PCDHA12: variants seen among roughly 807,000 people sequenced by gnomAD.
PCDHA12 encodes the protein protocadherin alpha-12.
Under a neutral mutation model 60.0 loss-of-function variants are expected in PCDHA12, and 44 were observed. That is an observed-to-expected ratio of 0.73 (90% confidence interval 0.58 to 0.94). The LOEUF is 0.94. PCDHA12 is among the 40% of genes least tolerant of loss of function. PCDHA12 has a pLI of 0.00. For synonymous variants in PCDHA12, 569 were observed against 553.0 expected (o/e 1.03, Z -0.40); for missense variants, 1,276 against 1,239.7 (o/e 1.03, Z -0.44).
intron 3 of PCDHA12, among the ~76,000 whole-genome samples, chr5:141,008,498 T>G (rs2098379874): frequency 6.6e-6 from 1 of 152,158 alleles, no homozygotes. Context: ...CTGGTATACT[T>G]TATGGTGTGT....
intron 1 of PCDHA12, among the ~76,000 whole-genome samples, chr5:140,946,990 C>T (rs181802680): frequency 2.6e-5 from 4 of 151,580 alleles, no homozygotes; most frequent in African/African-American, 9.7e-5. Context: ...TTTGAGTGTT[C>T]TAACTTCAAA....
intron 1 of PCDHA12, chr5:140,930,401 T>G (rs1554207785): frequency 6.6e-6 from 1 of 152,210 alleles, no homozygotes; most frequent in African/African-American, 2.4e-5. Context: ...TTCTTTTTTT[T>G]TTTTGAGACA....
In PCDHA12 at chr5:140,877,731, G is replaced by A. The variant is rs2153355415; in HGVS notation, c.2259G>A (p.Gln753=). Residue 753 remains glutamine (Q), a synonymous_variant, in exon 1 of 4, where the codon CAG becomes CAA. Coordinates refer to ENST00000398631, the MANE Select transcript of PCDHA12 (RefSeq NM_018903.4). ...SAVGSWSYSQ[Q]RRQRVCSAES... The stretch of plus-strand genomic sequence containing the variant: ...TGGGGAGTTGGTCTTACTCGCAGCA[G>A]AGGAGGCAGAGGGTGTGCTCTGCAG... 1.2e-6 allele frequency: 2 copies of A among 1,614,176 alleles called. No homozygotes were observed. The highest frequency in any genetic ancestry group is 1.7e-6 in the Non-Finnish European group (2 of 1,180,022).
chr5:141,010,343 G>C lies in PCDHA12; in HGVS notation c.*406G>C. 1 of 1,518,858 alleles carries C rather than the reference G, an allele frequency of 6.6e-7. No homozygotes were observed. Among genetic ancestry groups the C allele is most frequent in the Admixed American group, 2.1e-5 (1 of 46,514 alleles). 94.1% of individuals were successfully genotyped at this position (1,518,858 alleles called of 1,614,324 possible). A position where few individuals can be genotyped will look rare whatever the true frequency, so the allele number is the denominator to read the frequency against. On this transcript the variant is annotated 3_prime_UTR_variant, in exon 4 of 4. Coordinates refer to ENST00000398631, the MANE Select transcript of PCDHA12 (RefSeq NM_018903.4). ...GCAGCTTGGGAGTTTGTGGCCACTGGGTATGTGTGGCTACCGCGGGTATGC... is the reference window on the plus strand; with the variant it reads ...GCAGCTTGGGAGTTTGTGGCCACTGCGTATGTGTGGCTACCGCGGGTATGC...
At chr5:140,927,183 C>G (rs1554204140) in intron 1 of PCDHA12, 2 of 1,614,042 alleles carry the variant, frequency 1.2e-6, no homozygotes, top group African/African-American at 2.7e-5. Flanking sequence ...TCTTGACCTA[C>G]GACCTGGTGC....
rs139165612 is a variant in PCDHA12 at position 140,875,715 on chromosome 5, T to C, written c.243T>C (p.Asn81=). The change falls in exon 1 of 4, where the codon AAT becomes AAC. Residue 81 remains asparagine, a synonymous_variant. Coordinates refer to ENST00000398631, the MANE Select transcript of PCDHA12 (RefSeq NM_018903.4). Reference sequence around the variant, plus strand: ...ACCTTCTGGAGGTAAATCTGCAGAATGGCATTTTGTTTGTGAATTCTCGGA... The same window carrying C: ...ACCTTCTGGAGGTAAATCTGCAGAACGGCATTTTGTTTGTGAATTCTCGGA... ...HGDLLEVNLQ[N]GILFVNSRID... 205 of 1,614,134 alleles carry C rather than the reference T, an allele frequency of 1.3e-4. 1 individual carries two copies. The African/African-American group carries it at 2.2e-3, about 17-fold the overall frequency.
At chr5:140,979,966 A>G (rs1029035910) in intron 2 of PCDHA12, among the ~76,000 whole-genome samples, 7 of 152,258 alleles carry the variant, frequency 4.6e-5, no homozygotes, top group Non-Finnish European at 7.3e-5. Context: ...TTAGCCCATT[A>G]AAATGCATTA....
chr5:140,893,958 T>C (rs1391607597), intron 1 of PCDHA12, among the ~76,000 whole-genome samples: 2 of 152,228 alleles, frequency 1.3e-5, no homozygotes, highest in African/African-American at 4.8e-5. Flanking sequence ...ACTTTATTAG[T>C]CATTAGATAC....
At chr5:140,945,377 C>T (rs1183566005) in intron 1 of PCDHA12, among the ~76,000 whole-genome samples, 3 of 151,814 alleles carry the variant, frequency 2.0e-5, no homozygotes, top group African/African-American at 7.3e-5. Context: ...CCATATTACC[C>T]AAAGCAATAT....
chr5:140,876,580 G>T lies in PCDHA12; in HGVS notation c.1108G>T (p.Ala370Ser). 6.2e-7 allele frequency: 1 copy of T among 1,614,190 alleles called. No individual in the cohort carries two copies. Among genetic ancestry groups the T allele is most frequent in the African/African-American group, 1.3e-5 (1 of 75,048 alleles). ...GGATGCTCAGGTGGGTACCGTCATT[G>T]CCCTGATTAGCGTGTCGGATCGTGA... The part of the protein sequence containing the change: ...QEDAQVGTVI[A>S]LISVSDRDSG... Residue 370 changes from alanine to serine, a missense_variant, in exon 1 of 4, where the codon GCC (alanine) becomes TCC (serine). Ala to Ser is a moderately conservative substitution (Grantham distance 99). Coordinates refer to ENST00000398631, the MANE Select transcript of PCDHA12 (RefSeq NM_018903.4).
Position 140,877,654 on chromosome 5 carries a change from A to T in PCDHA12, c.2182A>T (p.Thr728Ser). 1 of 1,613,490 alleles carries T rather than the reference A, an allele frequency of 6.2e-7. No homozygotes were observed. The highest frequency in any genetic ancestry group is 1.1e-5 in the South Asian group (1 of 91,060). Residue 728 changes from threonine to serine, a missense_variant, in exon 1 of 4, where the codon ACC becomes TCC. Physicochemically the swap from Thr to Ser is moderately conservative, Grantham distance 58. Coordinates refer to ENST00000398631, the MANE Select transcript of PCDHA12 (RefSeq NM_018903.4). Reference sequence around the variant, plus strand: ...TGCGCTGCGTTGCTCAGCGCCGCCCACCGTGAGCCGGTGCGCGCCGGGCAA... The same window carrying T: ...TGCGCTGCGTTGCTCAGCGCCGCCCTCCGTGAGCCGGTGCGCGCCGGGCAA... ...YTALRCSAPP[T>S]VSRCAPGKPT...
intron 1 of PCDHA12, among the ~76,000 whole-genome samples, chr5:140,963,103 G>A (rs2095737477): frequency 1.3e-5 from 2 of 151,910 alleles, no homozygotes; most frequent in South Asian, 4.1e-4. Flanking sequence ...CTGCTTTCAG[G>A]TTGCTTATAA....
chr5:140,993,460 T>TCACACACA (rs1554253699), intron 3 of PCDHA12, among the ~76,000 whole-genome samples: 14 of 104,506 alleles, frequency 1.3e-4, no homozygotes, highest in African/African-American at 2.4e-4. Flanking sequence ...CTTCTTTCTT[T>TCACACACA]CTCACACACA....
intron 1 of PCDHA12, chr5:140,884,510 T>C: frequency 3.1e-6 from 5 of 1,613,982 alleles, no homozygotes; most frequent in Non-Finnish European, 3.4e-6. Context: ...GGCAGGGAGT[T>C]GGTCGTACTC....
chr5:140,966,709 G>C, intron 1 of PCDHA12: 1 of 1,387,174 alleles, frequency 7.2e-7, no homozygotes. Context: ...CGTGGGGCAC[G>C]GCTGGGGAAG....
intron 1 of PCDHA12, among the ~76,000 whole-genome samples, chr5:140,941,602 A>G (rs1364169026): frequency 1.3e-5 from 2 of 151,994 alleles, no homozygotes; most frequent in African/African-American, 4.8e-5. Flanking sequence ...GCCATGAGCC[A>G]TGGTGCCCAG....
intron 1 of PCDHA12, among the ~76,000 whole-genome samples, chr5:140,886,962 G>A (rs1017446014): frequency 6.6e-6 from 1 of 151,842 alleles, no homozygotes; most frequent in African/African-American, 2.4e-5. Context: ...ATTTAGCAAC[G>A]AAATTTATTA....
chr5:140,942,439 A>G (rs1554214983), intron 1 of PCDHA12, among the ~76,000 whole-genome samples: 1 of 152,082 alleles, frequency 6.6e-6, no homozygotes, highest in Non-Finnish European at 1.5e-5. Flanking sequence ...AACAATAAAC[A>G]AGTAAACTAT....
At position 140,877,647 on chromosome 5, in the gene PCDHA12, G is replaced by A; in HGVS notation, c.2175G>A (p.Ala725=). The change falls in exon 1 of 4, where the codon GCG becomes GCA. Residue 725 remains alanine, a synonymous_variant. Transcript: ENST00000398631. ...TGTACACTGCGCTGCGTTGCTCAGC[G>A]CCGCCCACCGTGAGCCGGTGCGCGC... ...LLLYTALRCS[A]PPTVSRCAPG... 2 of 1,613,510 alleles carry A rather than the reference G, an allele frequency of 1.2e-6. No individual in the cohort carries two copies. The highest frequency in any genetic ancestry group is 1.1e-5 in the South Asian group (1 of 91,066).
Sources: gnomAD v4.1 joint callset for allele counts (sites outside exome capture counted in the v4.1 genomes callset) on GRCh38, gnomAD v4.1.1 for gene constraint, MANE v1.5 for transcripts, NCBI Gene and HGNC (gene_info 2026-07-23, HGNC 2026-07-21) for gene names.